The following C12orf42 variants were observed in gnomAD, a reference collection of about 807,000 sequenced individuals.
C12orf42 encodes the protein uncharacterized protein C12orf42.
In C12orf42, 25 loss-of-function variants were observed where a neutral mutation model predicts 21.6. That is an observed-to-expected ratio of 1.16 (90% CI 0.84 to 1.62). The LOEUF (loss-of-function observed/expected upper bound fraction) is 1.62. Ranked by LOEUF, C12orf42 falls within the 40% of genes most tolerant of loss-of-function variation. The pLI is 0.00. For missense variants in C12orf42, 483 were observed against 459.3 expected (o/e 1.05, Z -0.47); for synonymous variants, 174 against 175.0 (o/e 0.99, Z 0.05).
chr12:103,561,554 C>T, the C12orf42 span, among the ~76,000 whole-genome samples: 1 of 152,162 alleles, frequency 6.6e-6, no homozygotes, highest in African/African-American at 2.4e-5. Flanking sequence ...ACTTCGCCCT[C>T]ATGACCTAAT....
intron 4 of C12orf42, among the ~76,000 whole-genome samples, chr12:103,351,596 T>C (rs992890854): frequency 9.2e-5 from 14 of 152,164 alleles, no homozygotes; most frequent in African/African-American, 3.4e-4. Context: ...ACCTCACACA[T>C]GTCTGAGGAG....
At chr12:103,122,156 G>A in the C12orf42 span, among the ~76,000 whole-genome samples, 1 of 152,206 alleles carries the variant, frequency 6.6e-6, no homozygotes, top group African/African-American at 2.4e-5. Flanking sequence ...TCAAGGCAAT[G>A]AGTCAGTAGG....
chr12:103,198,705 C>A, the C12orf42 span, among the ~76,000 whole-genome samples: 7 of 152,236 alleles, frequency 4.6e-5, no homozygotes, highest in Non-Finnish European at 1.0e-4. Context: ...CTACTCCACA[C>A]CTGCTTAACT....
At chr12:103,246,985 TTTA>T (rs1167355106) in intron 10 of C12orf42, among the ~76,000 whole-genome samples, 3 of 152,020 alleles carry the variant, frequency 2.0e-5, no homozygotes, top group Non-Finnish European at 2.9e-5. Context: ...ATTTTCATAT[TTTA>T]TTTTCTTTAT....
At chr12:103,117,194 T>G in the C12orf42 span, among the ~76,000 whole-genome samples, 4 of 152,232 alleles carry the variant, frequency 2.6e-5, no homozygotes, top group Admixed American at 1.3e-4. Flanking sequence ...TATCTCTCCT[T>G]CTTCCTACCC....
chr12:103,541,746 T>A, the C12orf42 span, among the ~76,000 whole-genome samples: 1 of 152,228 alleles, frequency 6.6e-6, no homozygotes, highest in Non-Finnish European at 1.5e-5. Context: ...TATTATTTTA[T>A]CTCGTGCTTG....
At chr12:103,452,918 C>T (rs1019682396) in intron 2 of C12orf42, among the ~76,000 whole-genome samples, 1 of 151,856 alleles carries the variant, frequency 6.6e-6, no homozygotes, top group Admixed American at 6.6e-5. Flanking sequence ...GGAGATATAC[C>T]TAATGTAAAT....
At chr12:103,116,088 G>A in the C12orf42 span, among the ~76,000 whole-genome samples, 21 of 152,240 alleles carry the variant, frequency 1.4e-4, no homozygotes, top group African/African-American at 4.8e-4. Context: ...GGGGCCGGGC[G>A]CAGTGGCTCA....
At chr12:103,289,662 T>C (rs1192427437) in intron 4 of C12orf42, among the ~76,000 whole-genome samples, 3 of 152,208 alleles carry the variant, frequency 2.0e-5, no homozygotes, top group African/African-American at 7.2e-5. Flanking sequence ...AAAATGCTAA[T>C]GTAGATCACC....
the C12orf42 span, among the ~76,000 whole-genome samples, chr12:103,094,750 T>A: frequency 6.6e-6 from 1 of 152,198 alleles, no homozygotes; most frequent in African/African-American, 2.4e-5. Context: ...GATACACATT[T>A]GTTGGAAAAA....
chr12:103,545,388 A>G, the C12orf42 span, among the ~76,000 whole-genome samples: 1 of 152,214 alleles, frequency 6.6e-6, no homozygotes, highest in South Asian at 2.1e-4. Flanking sequence ...TATAAAAAAC[A>G]TTTAAATATA....
At chr12:103,367,207 C>T (rs186495925) in intron 4 of C12orf42, among the ~76,000 whole-genome samples, 65 of 151,986 alleles carry the variant, frequency 4.3e-4, no homozygotes, top group African/African-American at 1.4e-3. Flanking sequence ...GAAAACCAAA[C>T]GTCGTATGTT....
intron 1 of C12orf42, among the ~76,000 whole-genome samples, chr12:103,483,345 A>C (rs1163890576): frequency 3.3e-5 from 5 of 151,914 alleles, no homozygotes; most frequent in African/African-American, 1.2e-4. Flanking sequence ...CTCTACTCTC[A>C]ATTTTGTTGT....
chr12:103,532,419 T>C, the C12orf42 span, among the ~76,000 whole-genome samples: 2 of 152,234 alleles, frequency 1.3e-5, no homozygotes, highest in Admixed American at 1.3e-4. Context: ...TAGAAATATG[T>C]ACAAAATATT....
Position 103,459,596 on chromosome 12 carries a change from C to T in C12orf42, c.78+18753G>A, listed in dbSNP as rs140590294. On this transcript the variant is annotated intron_variant, in intron 2 of 5. Coordinates refer to ENST00000548883, the MANE Select transcript of C12orf42 (RefSeq NM_198521.5). ...TGCTTCCTGTACACCCTTCAGAACA[C>T]GAGCCAGTTAAACCTTTTTTCTTAA... 5.9e-3 allele frequency among the ~76,000 whole-genome samples: 906 copies of T among 152,286 alleles called. 3 individuals carry two copies. Among genetic ancestry groups the T allele is most frequent in the Non-Finnish European group, 9.5e-3 (643 of 68,016 alleles).
chr12:103,357,447 T>C (rs2043692756), intron 4 of C12orf42, among the ~76,000 whole-genome samples: 1 of 152,054 alleles, frequency 6.6e-6, no homozygotes, highest in African/African-American at 2.4e-5. Context: ...AGTAAATCCA[T>C]ATTTGTTGCT....
chr12:103,245,262 T>C (rs2033953524), intron 10 of C12orf42, among the ~76,000 whole-genome samples: 1 of 152,088 alleles, frequency 6.6e-6, no homozygotes, highest in African/African-American at 2.4e-5. Context: ...GCGGTGGTTA[T>C]TTTCTGTATA....
the C12orf42 span, among the ~76,000 whole-genome samples, chr12:103,106,522 G>A: frequency 6.6e-6 from 1 of 151,840 alleles, no homozygotes; most frequent in Non-Finnish European, 1.5e-5. Flanking sequence ...ATTAAAAAAA[G>A]TGGCATGAGT....
chr12:103,306,372 A>G (rs1360357329), intron 4 of C12orf42, 27 bp from the exon 5 acceptor site: 1 of 1,553,550 alleles, frequency 6.4e-7, no homozygotes, highest in Non-Finnish European at 8.7e-7. Context: ...CATTCGTTTG[A>G]AAAATTCACC....
Sources: gnomAD v4.1 joint callset for allele counts (sites outside exome capture counted in the v4.1 genomes callset) on GRCh38, gnomAD v4.1.1 for gene constraint, MANE v1.5 for transcripts, NCBI Gene and HGNC (gene_info 2026-07-23, HGNC 2026-07-21) for gene names.